CLIC5: variants seen among roughly 807,000 people sequenced by gnomAD.
CLIC5 encodes the protein chloride intracellular channel protein 5.
Under a neutral mutation model 24.7 loss-of-function variants are expected in CLIC5, and 20 were observed. That is an observed-to-expected ratio of 0.81 (90% CI 0.57 to 1.18). The LOEUF (loss-of-function observed/expected upper bound fraction) is 1.18, where lower values mean the gene tolerates loss of function less well. CLIC5 is among the 50% of genes most tolerant of loss of function. The pLI is 0.00. For missense variants in CLIC5, 341 were observed against 326.1 expected, an observed-to-expected ratio of 1.05 and a Z score of -0.35; for synonymous variants, 159 against 135.6, an observed-to-expected ratio of 1.17 and a Z score of -1.20.
At chr6:45,935,685 T>C (rs1177279144) in intron 4 of CLIC5, among the ~76,000 whole-genome samples, 2 of 152,212 alleles carry the variant, frequency 1.3e-5, no homozygotes, top group Non-Finnish European at 2.9e-5. Context: ...ACTCTTCCCA[T>C]GTGGGTTCCT....
chr6:45,995,547 C>A (rs1170383834), intron 1 of CLIC5, among the ~76,000 whole-genome samples: 1 of 152,182 alleles, frequency 6.6e-6, no homozygotes, highest in Non-Finnish European at 1.5e-5. Context: ...ACTGGGTTGA[C>A]ATTTCTGTTT....
At chr6:46,042,392 G>GT (rs1468308604) in intron 1 of CLIC5, among the ~76,000 whole-genome samples, 2 of 151,920 alleles carry the variant, frequency 1.3e-5, no homozygotes, top group East Asian at 1.9e-4. Flanking sequence ...GTTTTGGGTA[G>GT]TTTTTTCTTT....
chr6:45,946,539 G>A (rs1764294431), intron 3 of CLIC5, among the ~76,000 whole-genome samples: 1 of 152,188 alleles, frequency 6.6e-6, no homozygotes, highest in African/African-American at 2.4e-5. Flanking sequence ...ACACATGGCC[G>A]ACCAGCGCTT....
intron 4 of CLIC5, among the ~76,000 whole-genome samples, chr6:45,924,456 C>T (rs143452333): frequency 1.9e-4 from 29 of 152,204 alleles, no homozygotes; most frequent in Middle Eastern, 6.8e-3. Flanking sequence ...GAGAAGCTAC[C>T]CATTGGATGT....
chr6:46,049,217 A>G (rs1273947378), intron 1 of CLIC5, among the ~76,000 whole-genome samples: 1 of 152,190 alleles, frequency 6.6e-6, no homozygotes, highest in Non-Finnish European at 1.5e-5. Flanking sequence ...CATCTTTGGG[A>G]TTCTTTCCCT....
At chr6:45,934,685 T>C (rs1297791131) in intron 4 of CLIC5, among the ~76,000 whole-genome samples, 1 of 152,224 alleles carries the variant, frequency 6.6e-6, no homozygotes, top group Non-Finnish European at 1.5e-5. Flanking sequence ...GGAGAAATAC[T>C]GAATTTTTGT....
intron 1 of CLIC5, among the ~76,000 whole-genome samples, chr6:46,052,322 A>G (rs903426265): frequency 1.3e-5 from 2 of 152,204 alleles, no homozygotes; most frequent in African/African-American, 2.4e-5. Context: ...CTCATGCACA[A>G]TGATTGAAAT....
intron 1 of CLIC5, among the ~76,000 whole-genome samples, chr6:46,007,915 CT>C (rs11411756): frequency 0.082 from 11,351 of 139,166 alleles, 775 homozygotes; most frequent in African/African-American, 0.19. Context: ...TTTTCTTTTT[CT>C]TTTTTTTTTT....
chr6:45,936,640 G>C (rs190140301), intron 4 of CLIC5, among the ~76,000 whole-genome samples: 1 of 152,114 alleles, frequency 6.6e-6, no homozygotes, highest in Non-Finnish European at 1.5e-5. Context: ...CATGTTACAA[G>C]GACAAGAGGC....
upstream of CLIC5, among the ~76,000 whole-genome samples, chr6:46,016,060 G>T (rs1253388040): frequency 6.6e-6 from 1 of 151,586 alleles, no homozygotes; most frequent in African/African-American, 2.4e-5. Flanking sequence ...TCCTGGGGGC[G>T]GATAATGAGG....
chr6:46,115,582 G>T, the CLIC5 span, among the ~76,000 whole-genome samples: 5 of 152,104 alleles, frequency 3.3e-5, no homozygotes, highest in Non-Finnish European at 5.9e-5. Flanking sequence ...CCTTCAGAAT[G>T]CACTAACACA....
At chr6:45,968,816 G>A (rs776933782) in intron 1 of CLIC5, among the ~76,000 whole-genome samples, 4 of 152,194 alleles carry the variant, frequency 2.6e-5, no homozygotes, top group Admixed American at 6.5e-5. Flanking sequence ...GGAGAAGCAA[G>A]ATGTTCCCTG....
chr6:45,915,261 T>C (rs1467171820), intron 4 of CLIC5, among the ~76,000 whole-genome samples: 1 of 152,112 alleles, frequency 6.6e-6, no homozygotes, highest in Non-Finnish European at 1.5e-5. Context: ...GTTTTGGTTA[T>C]CTATAATTTG....
At chr6:45,990,671 G>C (rs1765905312) in intron 1 of CLIC5, among the ~76,000 whole-genome samples, 1 of 152,226 alleles carries the variant, frequency 6.6e-6, no homozygotes, top group Non-Finnish European at 1.5e-5. Context: ...CCAAGTCCAA[G>C]ATCAGAAATG....
upstream of CLIC5, among the ~76,000 whole-genome samples, chr6:46,081,989 G>A (rs1451988128): frequency 6.6e-6 from 1 of 152,072 alleles, no homozygotes; most frequent in Non-Finnish European, 1.5e-5. Flanking sequence ...ATATCTGTTT[G>A]CATATTGTAT....
chr6:46,119,616 G>A, the CLIC5 span, among the ~76,000 whole-genome samples: 1 of 152,252 alleles, frequency 6.6e-6, no homozygotes, highest in Non-Finnish European at 1.5e-5. Flanking sequence ...CACCGAGCAT[G>A]AGCTGAAGCA....
At chr6:46,045,083 G>C (rs896582885) in intron 1 of CLIC5, among the ~76,000 whole-genome samples, 5 of 152,206 alleles carry the variant, frequency 3.3e-5, no homozygotes, top group Middle Eastern at 6.8e-3. Context: ...TCTCCTCTGA[G>C]AGTAAAATGC....
At chr6:45,930,415 T>C (rs1298081231) in intron 4 of CLIC5, among the ~76,000 whole-genome samples, 2 of 152,168 alleles carry the variant, frequency 1.3e-5, no homozygotes, top group Non-Finnish European at 2.9e-5. Flanking sequence ...CCGTCAGGCC[T>C]GGTGGACATG....
rs910644080 is a variant in CLIC5 at position 45,976,408 on chromosome 6, C to A, written c.64-21164G>T. Reference sequence around the variant, plus strand: ...CAGCTTGCCTAGGACTGGGGGAATTCCAGGACTTTCAGGATTTAAAACTGG... The same window carrying A: ...CAGCTTGCCTAGGACTGGGGGAATTACAGGACTTTCAGGATTTAAAACTGG... On this transcript the variant is annotated intron_variant, in intron 1 of 5. Transcript: ENST00000339561. 5.3e-5 allele frequency among the ~76,000 whole-genome samples: 8 copies of A among 152,158 alleles called. 1 individual carries two copies.
Sources: gnomAD v4.1 joint callset for allele counts (sites outside exome capture counted in the v4.1 genomes callset) on GRCh38, gnomAD v4.1.1 for gene constraint, MANE v1.5 for transcripts, NCBI Gene and HGNC (gene_info 2026-07-23, HGNC 2026-07-21) for gene names.